The following NOTCH3 variants were observed in gnomAD, a reference collection of about 807,000 sequenced individuals.
NOTCH3 encodes the protein neurogenic locus notch homolog protein 3.
A neutral mutation model predicts 213.3 loss-of-function variants in NOTCH3; 86 were observed. The ratio of observed to expected loss-of-function variants is 0.40; its 90% CI spans 0.34 to 0.48. The LOEUF is 0.48. Ranked by LOEUF, NOTCH3 falls within the 20% of genes least tolerant of loss-of-function variation. The pLI is 0.57. For synonymous variants in NOTCH3, 1,354 were observed against 1,355.9 expected (o/e 1.00, Z 0.03); for missense variants, 2,783 against 3,272.6 (o/e 0.85, Z 3.65).
chr19:15,195,181 C>T (rs2046959851), intron 2 of NOTCH3, among the ~76,000 whole-genome samples: 2 of 152,030 alleles, frequency 1.3e-5, no homozygotes, highest in South Asian at 2.1e-4. Context: ...TCCCACAAAC[C>T]CTCAAGTCCC....
chr19:15,175,552 A>AAAAAAACAT (rs1273195882), intron 24 of NOTCH3, among the ~76,000 whole-genome samples: 3 of 24,004 alleles, frequency 1.2e-4, no homozygotes, highest in Non-Finnish European at 3.7e-4. Context: ...AAAAAAAAAA[A>AAAAAAACAT]ATACATATAT....
chr19:15,197,442 C>CGCCCG, intron 2 of NOTCH3, 58 bp downstream of exon 2: 1 of 620,836 alleles, frequency 1.6e-6, no homozygotes, highest in Non-Finnish European at 3.1e-6. Flanking sequence ...AGACAAATCG[C>CGCCCG]CCCTCCCCCC....
At chr19:15,188,891 A>C in intron 8 of NOTCH3, 98 bp downstream of exon 8, 1 of 1,280,274 alleles carries the variant, frequency 7.8e-7, no homozygotes, top group Non-Finnish European at 1.1e-6. Flanking sequence ...TCCCACTCCA[A>C]ACCCACTTAC....
intron 31 of NOTCH3, among the ~76,000 whole-genome samples, chr19:15,162,763 GTGTGTGTGTT>G (rs796836826): frequency 0.12 from 4,419 of 36,414 alleles, 209 homozygotes; most frequent in African/African-American, 0.37. Flanking sequence ...TTGTGTCTGT[GTGTGTGTGTT>G]TGTGTGTGTG....
At position 15,159,166 on chromosome 19, in the gene NOTCH3, G is replaced by A. The variant is rs1401661569; in HGVS notation, c.*1496C>T. 1 of 152,156 alleles carries A rather than the reference G, an allele frequency of 6.6e-6. No individual in the cohort carries two copies. Among genetic ancestry groups the A allele is most frequent in the Non-Finnish European group, 1.5e-5 (1 of 68,046 alleles). 9.4% of individuals were successfully genotyped at this position (152,156 alleles called of 1,614,324 possible). A position where few individuals can be genotyped will look rare whatever the true frequency, so the allele number is the denominator to read the frequency against. On this transcript the variant is annotated 3_prime_UTR_variant, in exon 33 of 33. Coordinates refer to ENST00000263388, the MANE Select transcript of NOTCH3 (RefSeq NM_000435.3). Reference sequence around the variant, plus strand: ...CTTAGAAAGCAATTAATAAATACCTGTTGATCTCAATGGAATGAACACTCA... The same window carrying A: ...CTTAGAAAGCAATTAATAAATACCTATTGATCTCAATGGAATGAACACTCA...
Position 15,189,381 on chromosome 19 carries a change from C to T in NOTCH3, c.1084G>A (p.Glu362Lys), listed in dbSNP as rs771875329. Residue 362 changes from glutamate (E) to lysine (K), a missense_variant, in exon 7 of 33, where the codon GAG becomes AAG. Around this residue, in one of 6 missense-constraint regions of NOTCH3, gnomAD observed 708 missense variants for 906.6 expected, o/e 0.78. Coordinates refer to ENST00000263388, the MANE Select transcript of NOTCH3 (RefSeq NM_000435.3). ...GGATTTGTGTCACAGATAGCATCCT[C>T]GTGGCAGGGGTTGCTGACACAGGCG... ...DDACVSNPCH[E>K]DAICDTNPVN... 3 of 1,613,954 alleles carry T rather than the reference C, an allele frequency of 1.9e-6. No homozygotes were observed. Among genetic ancestry groups the T allele is most frequent in the South Asian group, 2.2e-5 (2 of 91,088 alleles).
chr19:15,180,138 G>A lies in NOTCH3; in HGVS notation c.3261C>T (p.Pro1087=), dbSNP rs757799219. ...TGSHCEQEVD[P]CLAQPCQHGG... ...CATGCTGGCAGGGCTGGGCCAAGCA[G>A]GGGTCCACCTCCTGCTCACAGTGGC... is the stretch of plus-strand genomic sequence containing the variant. The change falls in exon 20 of 33, where the codon CCC becomes CCT. Residue 1087 remains proline, a synonymous_variant. Coordinates refer to ENST00000263388, the MANE Select transcript of NOTCH3 (RefSeq NM_000435.3). 6.2e-7 allele frequency: 1 copy of A among 1,613,410 alleles called. No homozygotes were observed. Among genetic ancestry groups the A allele is most frequent in the Non-Finnish European group, 8.5e-7 (1 of 1,179,914 alleles).
chr19:15,162,357 G>T, intron 32 of NOTCH3, 108 bp downstream of exon 32: 1 of 842,966 alleles, frequency 1.2e-6, no homozygotes, highest in Non-Finnish European at 2.0e-6. Context: ...AATGTTTGGG[G>T]TTTTATTTTG....
In NOTCH3 at chr19:15,170,113, T is replaced by G. The variant is rs1414266305; in HGVS notation, c.5172A>C (p.Thr1724=). Residue 1724 remains threonine (T), a synonymous_variant, in exon 28 of 33, where the codon ACA becomes ACC. Coordinates refer to ENST00000263388, the MANE Select transcript of NOTCH3 (RefSeq NM_000435.3). ...MGEVATDWMD[T]ECPEAKRLKV... Reference sequence around the variant, plus strand: ...TTAGCCGCTTGGCCTCTGGGCACTCTGTGTCCATCCAGTCTGTGGCCACCT... The same window carrying G: ...TTAGCCGCTTGGCCTCTGGGCACTCGGTGTCCATCCAGTCTGTGGCCACCT... 6.2e-7 allele frequency: 1 copy of G among 1,600,564 alleles called. No homozygotes were observed. Among genetic ancestry groups the G allele is most frequent in the South Asian group, 1.1e-5 (1 of 88,862 alleles).
At chr19:15,189,866 T>C (rs1481948681) in intron 6 of NOTCH3, among the ~76,000 whole-genome samples, 1 of 152,202 alleles carries the variant, frequency 6.6e-6, no homozygotes, top group Non-Finnish European at 1.5e-5. Flanking sequence ...GCTTTTTTAA[T>C]CCATTTATTA....
At chr19:15,176,530 C>T (rs985402604) in intron 24 of NOTCH3, among the ~76,000 whole-genome samples, 1 of 151,826 alleles carries the variant, frequency 6.6e-6, no homozygotes, top group African/African-American at 2.4e-5. Flanking sequence ...AGAGGCTAAG[C>T]TGGGTGGATT....
chr19:15,164,703 C>T (rs1386480332), intron 31 of NOTCH3, among the ~76,000 whole-genome samples: 1 of 152,060 alleles, frequency 6.6e-6, no homozygotes, highest in Admixed American at 6.6e-5. Flanking sequence ...ACAGAAAGTC[C>T]TATTGGCCAG....
rs542002164 is a variant in NOTCH3, at chr19:15,188,421, C to T, written c.1379-73G>A. On this transcript the variant is annotated intron_variant, in intron 8 of 32. Coordinates refer to ENST00000263388, the MANE Select transcript of NOTCH3 (RefSeq NM_000435.3). ...TGAACGGGGTGCAAGGAAGGAGGTA[C>T]TTCCCTTCCTACTCATCGACAAATC... 16 of 925,844 alleles carry T rather than the reference C, an allele frequency of 1.7e-5. No individual in the cohort carries two copies. In the South Asian group the frequency reaches 2.1e-4, roughly 12 times the overall value. The allele number at this position is 925,844 out of a possible 1,614,324, so 57.4% of individuals were successfully genotyped here.
At chr19:15,197,464 A>ACCCCCCCCCCC in intron 2 of NOTCH3, 36 bp downstream of exon 2, 1 of 636,978 alleles carries the variant, frequency 1.6e-6, no homozygotes, top group Non-Finnish European at 2.7e-6. Flanking sequence ...GCCCCCACAC[A>ACCCCCCCCCCC]CAGGGCCCAC....
At chr19:15,192,807 C>T (rs1250563366) in intron 2 of NOTCH3, among the ~76,000 whole-genome samples, 1 of 152,078 alleles carries the variant, frequency 6.6e-6, no homozygotes, top group Non-Finnish European at 1.5e-5. Context: ...CCCAGCTACT[C>T]AAGAGGCTGA....
At position 15,185,195 on chromosome 19, in the gene NOTCH3, A is replaced by G; in HGVS notation, c.2296+62T>C. ...ACATAGCGGGAGGAGAGAGTAGAGG[A>G]GAAGAGAGATGAGAAGGCCCATGGT... On this transcript the variant is annotated intron_variant, in intron 14 of 32. Coordinates refer to ENST00000263388, the MANE Select transcript of NOTCH3 (RefSeq NM_000435.3). The surrounding 1 kb of genome is among the most constrained non-coding windows in gnomAD (Gnocchi z 4.2). 2 of 1,582,688 alleles carry G rather than the reference A, an allele frequency of 1.3e-6. No homozygotes were observed. The highest frequency in any genetic ancestry group is 8.7e-7 in the Non-Finnish European group (1 of 1,153,104).
Position 15,181,033 on chromosome 19 carries a change from C to A in NOTCH3, c.2922G>T (p.Gly974=), listed in dbSNP as rs1244530261. ...CAGGGTGGGCGGCGCTGCAGACGCCCCCGTGTAGGCAGGGCCGCGAGAGGC... is the reference window on the plus strand; with the variant it reads ...CAGGGTGGGCGGCGCTGCAGACGCCACCGTGTAGGCAGGGCCGCGAGAGGC... The part of the protein sequence containing the change: ...DPCLSRPCLH[G]GVCSAAHPGF... The change falls in exon 18 of 33, where the codon GGG becomes GGT. Residue 974 remains glycine (G), a synonymous_variant. Coordinates refer to ENST00000263388, the MANE Select transcript of NOTCH3 (RefSeq NM_000435.3). 6.2e-7 allele frequency: 1 copy of A among 1,602,488 alleles called. No individual in the cohort carries two copies. The highest frequency in any genetic ancestry group is 1.7e-5 in the Admixed American group (1 of 58,238).
chr19:15,175,609 ACACACG>A lies in NOTCH3; in HGVS notation c.4404-1215_4404-1210del, dbSNP rs201623646. Reference sequence around the variant, plus strand: ...TGTATATACACACACACACACACACACACACGCACGCACACACATAGTGCTGGATGG... The same window carrying A: ...TGTATATACACACACACACACACACACACGCACACACATAGTGCTGGATGG... On this transcript the variant is annotated intron_variant, in intron 24 of 32. Transcript: ENST00000263388. Among the ~76,000 whole-genome samples, 125 of 145,392 alleles carry A rather than the reference ACACACG, an allele frequency of 8.6e-4. 2 individuals are homozygous for A. Among genetic ancestry groups the A allele is most frequent in the Middle Eastern group, 3.5e-3 (1 of 282 alleles).
At chr19:15,180,328 C>T (rs1250599202) in intron 19 of NOTCH3, 72 bp from the exon 20 acceptor site, 39 of 1,516,448 alleles carry the variant, frequency 2.6e-5, no homozygotes, top group African/African-American at 4.1e-5. Context: ...TCACACAGAT[C>T]ATTCAACATC....
Sources: allele counts gnomAD v4.1 joint callset (sites outside exome capture counted in the v4.1 genomes callset), GRCh38; gene constraint gnomAD v4.1.1; regional missense constraint gnomAD v4.1.1; non-coding constraint Gnocchi (gnomAD v3.1); transcripts MANE v1.5; gene names NCBI Gene and HGNC (gene_info 2026-07-23, HGNC 2026-07-21).